Variants in LRRK1 observed in about 807,000 individuals in gnomAD.
LRRK1 encodes the protein leucine rich repeat kinase 1, also known as leucine-rich repeat serine/threonine-protein kinase 1.
A neutral mutation model predicts 209.1 loss-of-function variants in LRRK1; 113 were observed. That is an observed-to-expected ratio of 0.54 (90% CI 0.46 to 0.63). The LOEUF (loss-of-function observed/expected upper bound fraction) is 0.63. Among genes scored for constraint, LRRK1 ranks in the 30% least tolerant of loss-of-function variants. LRRK1 has a pLI of 0.00. For synonymous variants in LRRK1, 1,144 were observed against 1,099.7 expected (o/e 1.04, Z -0.80); for missense variants, 2,284 against 2,632.2 (o/e 0.87, Z 2.89).
intron 2 of LRRK1, among the ~76,000 whole-genome samples, chr15:100,951,119 G>T (rs2042643450): frequency 1.3e-5 from 2 of 152,208 alleles, no homozygotes; most frequent in South Asian, 4.1e-4. Flanking sequence ...AAAGAGCAAA[G>T]GGTCTAAACA....
intron 2 of LRRK1, among the ~76,000 whole-genome samples, chr15:100,961,763 G>T (rs1293592366): frequency 6.6e-6 from 1 of 152,172 alleles, no homozygotes; most frequent in Admixed American, 6.5e-5. Context: ...TGGGAGCTGG[G>T]TGGGGGAAGT....
intron 2 of LRRK1, among the ~76,000 whole-genome samples, chr15:100,932,266 G>A (rs1427731891): frequency 2.0e-5 from 3 of 152,144 alleles, no homozygotes; most frequent in South Asian, 2.1e-4. Context: ...GATTACAGGC[G>A]TGAGCCACAG....
intron 3 of LRRK1, among the ~76,000 whole-genome samples, chr15:100,980,564 T>G (rs1266499596): frequency 6.6e-6 from 1 of 152,196 alleles, no homozygotes; most frequent in Non-Finnish European, 1.5e-5. Flanking sequence ...TATACATACA[T>G]TGTACTAACG....
In LRRK1 at chr15:101,028,957, C is replaced by T. The variant is rs932310130; in HGVS notation, c.2688C>T (p.Ala896=). 4 of 1,613,594 alleles carry T rather than the reference C, an allele frequency of 2.5e-6. No homozygotes were observed. In the South Asian group the frequency reaches 3.3e-5, roughly 13 times the overall value. ...DIKDYEDLQS[A]ISFLIETGTL... is the part of the protein sequence containing the mutation. Reference sequence around the variant, plus strand: ...TCCTCCTCTCCTTGCCTGGGGCAGCCATCAGCTTCCTCATAGAAACCGGCA... The same window carrying T: ...TCCTCCTCTCCTTGCCTGGGGCAGCTATCAGCTTCCTCATAGAAACCGGCA... The change falls in exon 20 of 34, where the codon GCC becomes GCT. Residue 896 remains alanine (A), a splice_region_variant and synonymous_variant. Coordinates refer to ENST00000388948, the MANE Select transcript of LRRK1 (RefSeq NM_024652.6).
chr15:100,922,809 G>A lies in LRRK1; in HGVS notation c.-122-1702G>A, dbSNP rs546386358. On this transcript the variant is annotated intron_variant, in intron 1 of 33. Coordinates refer to ENST00000388948, the MANE Select transcript of LRRK1 (RefSeq NM_024652.6). ...CTTCAAACACAGGTGTTTCCCACAC[G>A]TGGTTTGTGTCGACCATCCCTTTTG... 2.0e-4 allele frequency among the ~76,000 whole-genome samples: 29 copies of A among 142,658 alleles called. No individual in the cohort carries two copies. In the South Asian group the frequency reaches 5.9e-3, roughly 29 times the overall value. 93.6% of individuals were successfully genotyped at this position (142,658 alleles called of 152,430 possible). A position where few individuals can be genotyped will look rare whatever the true frequency, so the allele number is the denominator to read the frequency against.
intron 10 of LRRK1, among the ~76,000 whole-genome samples, chr15:101,012,447 C>T (rs1205836271): frequency 6.6e-6 from 1 of 152,192 alleles, no homozygotes; most frequent in East Asian, 1.9e-4. Flanking sequence ...CCAGGAAGGG[C>T]CTTTCCACGG....
intron 20 of LRRK1, among the ~76,000 whole-genome samples, chr15:101,038,062 C>T (rs1340708182): frequency 6.6e-6 from 1 of 152,162 alleles, no homozygotes; most frequent in Admixed American, 6.5e-5. Flanking sequence ...AAAATAATGG[C>T]ATCTGCAGCA....
chr15:101,076,062 T>G lies in LRRK1; in HGVS notation c.*7214T>G, dbSNP rs1324887715. ...CCAACCCCTTCTACAAAACAAGAAC[T>G]CCTTTCCTTCCTAGGCATGGTTAGT... On this transcript the variant is annotated 3_prime_UTR_variant, in exon 34 of 34. Coordinates refer to ENST00000388948, the MANE Select transcript of LRRK1 (RefSeq NM_024652.6). 6.6e-6 allele frequency: 1 copy of G among 152,134 alleles called. No homozygotes were observed. The highest frequency in any genetic ancestry group is 1.5e-5 in the Non-Finnish European group (1 of 68,054). 9.4% of individuals were successfully genotyped at this position (152,134 alleles called of 1,614,324 possible).
Position 101,069,108 on chromosome 15 carries a change from G to T in LRRK1, c.*260G>T. On this transcript the variant is annotated 3_prime_UTR_variant, in exon 34 of 34. Transcript: ENST00000388948. The stretch of plus-strand genomic sequence containing the variant: ...GCCCCAGGGAAGACAGTGGTATCAG[G>T]CTGGGAGCGGCCTCCTCTGGCCTCC... 2.8e-6 allele frequency: 1 copy of T among 353,524 alleles called. No homozygotes were observed. Among genetic ancestry groups the T allele is most frequent in the Non-Finnish European group, 5.1e-6 (1 of 195,060 alleles). 21.9% of individuals were successfully genotyped at this position (353,524 alleles called of 1,614,324 possible).
chr15:100,940,040 A>G (rs949515739), intron 2 of LRRK1, among the ~76,000 whole-genome samples: 4 of 152,152 alleles, frequency 2.6e-5, no homozygotes, highest in African/African-American at 9.7e-5. Context: ...TTCTGATGTG[A>G]CAAGACATCC....
intron 33 of LRRK1, 76 bp from the exon 34 acceptor site, chr15:101,068,595 A>C: frequency 4.1e-6 from 6 of 1,448,602 alleles, no homozygotes; most frequent in African/African-American, 1.4e-5. Context: ...CTTCCTCAGA[A>C]GGCACAGGGG....
chr15:101,068,627 G>C, intron 33 of LRRK1, 44 bp from the exon 34 acceptor site: 1 of 1,528,284 alleles, frequency 6.5e-7, no homozygotes, highest in Non-Finnish European at 8.8e-7. Context: ...CCCCACCCGA[G>C]TGGGAACCCC....
In LRRK1 at chr15:101,024,187, CTG is replaced by C. The variant is rs1473713690; in HGVS notation, c.2068-612_2068-611del. On this transcript the variant is annotated intron_variant, in intron 15 of 33. Transcript: ENST00000388948. The surrounding 1 kb of genome is among the most constrained non-coding windows in gnomAD (Gnocchi z 4.6). ...CTTTATACAAAACCAGGTCAGCACA[CTG>C]TGTCTTGGAGGCTGATGCTGCCTCA... is the stretch of plus-strand genomic sequence containing the variant. 6.6e-6 allele frequency among the ~76,000 whole-genome samples: 1 copy of C among 152,246 alleles called. No homozygotes were observed. Among genetic ancestry groups the C allele is most frequent in the Non-Finnish European group, 1.5e-5 (1 of 68,046 alleles).
chr15:100,962,631 A>G (rs2030070759), intron 2 of LRRK1, among the ~76,000 whole-genome samples: 1 of 151,122 alleles, frequency 6.6e-6, no homozygotes, highest in African/African-American at 2.4e-5. Flanking sequence ...CTTTCTAAAC[A>G]GAGACAGGGA....
Position 100,989,387 on chromosome 15 carries a change from C to G in LRRK1, c.751C>G (p.Pro251Ala), listed in dbSNP as rs369239695. The change falls in exon 6 of 34, where the codon CCG becomes GCG. Residue 251 changes from proline to alanine, a missense_variant. By Grantham distance (27) the Pro-to-Ala change is conservative (BLOSUM62 -1). This residue lies in a region of LRRK1 where 494 missense variants were observed against 522.1 expected (regional missense o/e 0.95). Transcript: ENST00000388948. ...IEASPLPSSY[P>A]GKTALRVKWS... is the part of the protein sequence containing the mutation. ...AGCCAGTCCCTTGCCCAGCAGTTATCCGGGAAAAACAGTGAGTAGTCACTG... is the reference window on the plus strand; with the variant it reads ...AGCCAGTCCCTTGCCCAGCAGTTATGCGGGAAAAACAGTGAGTAGTCACTG... The G allele has an allele frequency of 4.4e-5, 71 of 1,614,162 alleles. No individual in the cohort carries two copies. Among genetic ancestry groups the G allele is most frequent in the Non-Finnish European group, 6.0e-5 (71 of 1,180,034 alleles).
intron 29 of LRRK1, among the ~76,000 whole-genome samples, chr15:101,059,347 G>T (rs1016924388): frequency 4.6e-5 from 7 of 152,184 alleles, no homozygotes; most frequent in Admixed American, 3.3e-4. Context: ...GCAGTGGGTG[G>T]TGATTGTGCC....
intron 23 of LRRK1, among the ~76,000 whole-genome samples, chr15:101,051,238 G>A (rs962233751): frequency 6.6e-6 from 1 of 152,214 alleles, no homozygotes; most frequent in Admixed American, 6.5e-5. Flanking sequence ...TCCCGTGTCC[G>A]GTGACTGAGT....
rs2036471209 is a variant in LRRK1 at position 101,065,393 on chromosome 15, G to A, written c.4956G>A (p.Val1652=). ...LVLAGLADGL[V]AVFPVVRGTP... ...TAGCGGGCCTCGCCGATGGGCTTGT[G>A]GCTGTGTTTCCCGTGGTGCGGGGCA... is the stretch of plus-strand genomic sequence containing the variant. The change falls in exon 32 of 34, where the codon GTG becomes GTA. Residue 1652 remains valine (V), a synonymous_variant. Coordinates refer to ENST00000388948, the MANE Select transcript of LRRK1 (RefSeq NM_024652.6). The A allele has an allele frequency of 1.2e-6, 2 of 1,614,002 alleles. No homozygotes were observed. Among genetic ancestry groups the A allele is most frequent in the Admixed American group, 1.7e-5 (1 of 60,016 alleles).
intron 2 of LRRK1, among the ~76,000 whole-genome samples, chr15:100,951,457 C>T (rs533951423): frequency 6.6e-6 from 1 of 152,108 alleles, no homozygotes; most frequent in Non-Finnish European, 1.5e-5. Context: ...CACAAGAGAA[C>T]TGAGGGCAGA....
Sources: gnomAD v4.1 joint callset for allele counts (sites outside exome capture counted in the v4.1 genomes callset) on GRCh38, gnomAD v4.1.1 for gene constraint, gnomAD v4.1.1 regional missense constraint, Gnocchi (gnomAD v3.1) non-coding constraint, MANE v1.5 for transcripts, NCBI Gene and HGNC (gene_info 2026-07-23, HGNC 2026-07-21) for gene names.